Variants in CEP95 observed in about 807,000 individuals in gnomAD.
The protein encoded by CEP95 is centrosomal protein of 95 kDa.
A neutral mutation model predicts 111.2 loss-of-function variants in CEP95; 98 were observed. The observed-to-expected ratio is 0.88, with a 90% confidence interval of 0.75 to 1.04. The LOEUF is 1.04. Ranked by LOEUF, CEP95 falls within the 50% of genes least tolerant of loss-of-function variation. The pLI, the probability that CEP95 is intolerant of heterozygous loss-of-function variation, is 0.00. For synonymous variants in CEP95, 323 were observed against 327.1 expected (o/e 0.99, Z 0.14); for missense variants, 1,027 against 977.2 (o/e 1.05, Z -0.68).
intron 2 of CEP95, among the ~76,000 whole-genome samples, chr17:64,509,899 A>G (rs901387242): frequency 1.3e-5 from 2 of 151,412 alleles, no homozygotes; most frequent in Non-Finnish European, 2.9e-5. Context: ...ATGTATATCT[A>G]TATATCTATA....
At chr17:64,506,909 G>A (rs149693682), upstream of CEP95, 3,258 of 694,224 alleles carry the variant, frequency 4.7e-3, 30 homozygotes, top group South Asian at 0.015. Context: ...CCTGTGAAAG[G>A]AAGTGCTCCT....
rs782234603 is a variant in CEP95 at position 64,525,785 on chromosome 17, C to G, written c.925C>G (p.Leu309Val). Residue 309 changes from leucine (L) to valine (V), a missense_variant, in exon 9 of 20, where the codon CTT (leucine) becomes GTT (valine). Physicochemically the swap from Leu to Val is conservative, Grantham distance 32. Coordinates refer to ENST00000556440, the MANE Select transcript of CEP95 (RefSeq NM_138363.3). ...TTTTTAATAGGATCTAGATGATGGA[C>G]TTTTCTTAATTTCCAAGTTGCCTAA... is the stretch of plus-strand genomic sequence containing the variant. ...TEFSGDLDDG[L>V]FLISKLPKGS... 2 of 1,605,002 alleles carry G rather than the reference C, an allele frequency of 1.2e-6. No homozygotes were observed. Among genetic ancestry groups the G allele is most frequent in the Non-Finnish European group, 1.7e-6 (2 of 1,176,084 alleles).
At chr17:64,511,001 T>A (rs1308020277) in intron 3 of CEP95, among the ~76,000 whole-genome samples, 1 of 152,214 alleles carries the variant, frequency 6.6e-6, no homozygotes, top group Non-Finnish European at 1.5e-5. Context: ...GGTTCCGTGA[T>A]GCCCCACAAG....
At position 64,527,145 on chromosome 17, in the gene CEP95, A is replaced by C; in HGVS notation, c.1187A>C (p.Glu396Ala). The part of the protein sequence containing the change: ...LKSALGDRIK[E>A]KTDHKEENTG... Reference sequence around the variant, plus strand: ...AGTGCTCTGGGTGATCGGATTAAAGAAAAGACTGACCATAAAGAAGAAAAT... The same window carrying C: ...AGTGCTCTGGGTGATCGGATTAAAGCAAAGACTGACCATAAAGAAGAAAAT... Residue 396 changes from glutamate (E) to alanine (A), a missense_variant, in exon 11 of 20, where the codon GAA (glutamate) becomes GCA (alanine). Physicochemically the swap from Glu to Ala is moderately radical, Grantham distance 107 (BLOSUM62 -1). Coordinates refer to ENST00000556440, the MANE Select transcript of CEP95 (RefSeq NM_138363.3). 1 of 1,613,460 alleles carries C rather than the reference A, an allele frequency of 6.2e-7. No homozygotes were observed. Among genetic ancestry groups the C allele is most frequent in the Non-Finnish European group, 8.5e-7 (1 of 1,179,576 alleles).
intron 8 of CEP95, among the ~76,000 whole-genome samples, chr17:64,523,385 G>C (rs782077869): frequency 6.6e-6 from 1 of 152,026 alleles, no homozygotes; most frequent in Non-Finnish European, 1.5e-5. Context: ...TCCATATTGT[G>C]TCCGTAATTT....
At chr17:64,513,206 T>C (rs1233781910) in intron 3 of CEP95, among the ~76,000 whole-genome samples, 1 of 152,216 alleles carries the variant, frequency 6.6e-6, no homozygotes, top group African/African-American at 2.4e-5. Context: ...GTCAAATTTC[T>C]GGTTTAGGTT....
Position 64,536,599 on chromosome 17 carries a change from C to T in CEP95, c.2071-3C>T. ...ACTATTTTTACGATTAAATAACTGA[C>T]AGATATTTAAGAAACTGTTTGAAGA... On this transcript the variant is annotated splice_polypyrimidine_tract_variant and splice_region_variant and intron_variant, in intron 17 of 19. Transcript: ENST00000556440. The T allele has an allele frequency of 4.4e-6, 7 of 1,589,980 alleles. No homozygotes were observed. Among genetic ancestry groups the T allele is most frequent in the Non-Finnish European group, 6.0e-6 (7 of 1,169,694 alleles).
chr17:64,513,915 G>T (rs1242041698), intron 3 of CEP95, among the ~76,000 whole-genome samples: 1 of 152,054 alleles, frequency 6.6e-6, no homozygotes, highest in African/African-American at 2.4e-5. Flanking sequence ...ATATATTTTG[G>T]TATAAATCTT....
At chr17:64,536,839 T>C (rs1968690625) in intron 18 of CEP95, 91 bp downstream of exon 18, 1 of 1,429,870 alleles carries the variant, frequency 7.0e-7, no homozygotes, top group Non-Finnish European at 9.5e-7. Flanking sequence ...ACAATAAACC[T>C]TGTGTTAACT....
chr17:64,514,229 C>G lies in CEP95; in HGVS notation c.257-19C>G, dbSNP rs1555675794. ...ATTTCATGGTTAAATTTTTTAATAGCTCTATATTCTGTCTCCAGGAGAAAA... is the reference window on the plus strand; with the variant it reads ...ATTTCATGGTTAAATTTTTTAATAGGTCTATATTCTGTCTCCAGGAGAAAA... On this transcript the variant is annotated intron_variant, in intron 3 of 19. Coordinates refer to ENST00000556440, the MANE Select transcript of CEP95 (RefSeq NM_138363.3). 2.1e-6 allele frequency: 2 copies of G among 969,038 alleles called. No individual in the cohort carries two copies. The highest frequency in any genetic ancestry group is 2.1e-5 in the Admixed American group (1 of 47,258). 60.0% of individuals were successfully genotyped at this position (969,038 alleles called of 1,614,324 possible).
intron 6 of CEP95, among the ~76,000 whole-genome samples, 200 bp downstream of exon 6, chr17:64,519,636 A>G (rs1967156671): frequency 6.6e-6 from 1 of 152,188 alleles, no homozygotes; most frequent in Admixed American, 6.5e-5. Flanking sequence ...GTCCAAGGCA[A>G]ATAAGTGTAT....
rs550816049 is a variant in CEP95, at chr17:64,529,904, T to C, written c.1446+477T>C. 3.9e-5 allele frequency among the ~76,000 whole-genome samples: 6 copies of C among 152,340 alleles called. No homozygotes were observed. In the South Asian group the frequency reaches 6.2e-4, roughly 16 times the overall value. On this transcript the variant is annotated intron_variant, in intron 12 of 19. Transcript: ENST00000556440. ...ATGTAGCATGGATTTAGAACACTTATTTGCAGTAGTAGGTTTTATAATGCG... is the reference window on the plus strand; with the variant it reads ...ATGTAGCATGGATTTAGAACACTTACTTGCAGTAGTAGGTTTTATAATGCG...
intron 17 of CEP95, chr17:64,536,293 T>G (rs1472442795): frequency 5.8e-6 from 1 of 173,012 alleles, no homozygotes; most frequent in East Asian, 1.5e-4. Flanking sequence ...TCCAAAAAAT[T>G]AAAAATTTAG....
At chr17:64,507,457 C>T (rs1223898339) in intron 1 of CEP95, 3 of 1,311,734 alleles carry the variant, frequency 2.3e-6, no homozygotes, top group African/African-American at 3.0e-5. Flanking sequence ...CGCCCTTGCA[C>T]TATGGGCCCT....
In CEP95 at chr17:64,534,737, G is replaced by GGTAA. The variant is rs782506815; in HGVS notation, c.2070+3_2070+6dup. Reference sequence around the variant, plus strand: ...TGAGAATGAGGACCCGGGAAGAAATGGTAAGTCTGACTTTTCTGTCCAGCC... The same window carrying GGTAA: ...TGAGAATGAGGACCCGGGAAGAAATGGTAAGTAAGTCTGACTTTTCTGTCCAGCC... On this transcript the variant is annotated frameshift_variant and splice_region_variant. Coordinates refer to ENST00000556440, the MANE Select transcript of CEP95 (RefSeq NM_138363.3). LOFTEE classifies it high-confidence loss of function. 9 of 1,609,980 alleles carry GGTAA rather than the reference G, an allele frequency of 5.6e-6. No homozygotes were observed. The highest frequency in any genetic ancestry group is 3.4e-5 in the Admixed American group (2 of 59,440).
At chr17:64,525,945 G>A in intron 9 of CEP95, 63 bp downstream of exon 9, 1 of 1,469,288 alleles carries the variant, frequency 6.8e-7, no homozygotes, top group South Asian at 1.3e-5. Context: ...AAATGCAGGG[G>A]CATGATCTCC....
At chr17:64,508,182 C>T (rs1330389572) in intron 1 of CEP95, 6 of 985,326 alleles carry the variant, frequency 6.1e-6, no homozygotes, top group Non-Finnish European at 6.0e-6. Flanking sequence ...ATTGCAAGTG[C>T]GAAGCAGCCT....
intron 16 of CEP95, 166 bp from the exon 17 acceptor site, chr17:64,534,419 G>A: frequency 1.7e-6 from 1 of 591,238 alleles, no homozygotes; most frequent in East Asian, 2.9e-5. Flanking sequence ...TCTTCAGATT[G>A]AGGTGATAAA....
chr17:64,533,070 T>A (rs781830779), intron 15 of CEP95, 47 bp from the exon 16 acceptor site: 33 of 1,604,966 alleles, frequency 2.1e-5, no homozygotes, highest in Non-Finnish European at 2.7e-5. Context: ...CTTAAGAATT[T>A]AGTGAACAGC....
Sources: allele counts gnomAD v4.1 joint callset (sites outside exome capture counted in the v4.1 genomes callset), GRCh38; gene constraint gnomAD v4.1.1; transcripts MANE v1.5; gene names NCBI Gene and HGNC (gene_info 2026-07-23, HGNC 2026-07-21).